Variants in PTPRO observed in about 807,000 individuals in gnomAD.
PTPRO encodes the protein protein tyrosine phosphatase receptor type O, also known as receptor-type tyrosine-protein phosphatase O.
Under a neutral mutation model 145.2 loss-of-function variants are expected in PTPRO, and 62 were observed. That is an observed-to-expected ratio of 0.43 (90% CI 0.35 to 0.53). The LOEUF (loss-of-function observed/expected upper bound fraction) is 0.53. PTPRO is among the 20% of genes least tolerant of loss of function. The probability of loss-of-function intolerance (pLI) is 0.01; values close to 1 mark genes in which losing one functional copy is unlikely to be tolerated. For missense variants in PTPRO, 1,345 were observed against 1,482.7 expected (o/e 0.91, Z 1.53); for synonymous variants, 565 against 514.7 (o/e 1.10, Z -1.32).
At chr12:15,490,750 T>C (rs1941984244) in intron 2 of PTPRO, among the ~76,000 whole-genome samples, 1 of 152,106 alleles carries the variant, frequency 6.6e-6, no homozygotes, top group Admixed American at 6.6e-5. Flanking sequence ...GAAGTATCAA[T>C]GGCATTAAAT....
intron 1 of PTPRO, among the ~76,000 whole-genome samples, chr12:15,397,450 CAG>C (rs1371636430): frequency 6.6e-6 from 1 of 152,094 alleles, no homozygotes; most frequent in African/African-American, 2.4e-5. Flanking sequence ...TTTGGACTGA[CAG>C]AGAGAATGAA....
At position 15,581,707 on chromosome 12, in the gene PTPRO, C is replaced by T. The variant is rs940403373; in HGVS notation, c.3161C>T (p.Thr1054Met). 12 of 1,613,938 alleles carry T rather than the reference C, an allele frequency of 7.4e-6. No individual in the cohort carries two copies. The highest frequency in any genetic ancestry group is 9.3e-6 in the Non-Finnish European group (11 of 1,179,886). The change falls in exon 23 of 27, where the codon ACG becomes ATG. Residue 1054 changes from threonine to methionine, a missense_variant. Transcript: ENST00000281171. ...AAATGTGACCATTACTGGCCATTCA[C>T]GGAAGAACCTATAGCCTATGGAGAC... ...RVKCDHYWPFTEEPIAYGDIT... is the reference protein window; with the variant it reads ...RVKCDHYWPFMEEPIAYGDIT...
At chr12:15,329,790 C>T (rs991362665) in intron 1 of PTPRO, among the ~76,000 whole-genome samples, 4 of 152,074 alleles carry the variant, frequency 2.6e-5, no homozygotes, top group Non-Finnish European at 4.4e-5. Flanking sequence ...TTTTGTTTTA[C>T]GGATGAAAAT....
intron 12 of PTPRO, 144 bp from the exon 13 acceptor site, chr12:15,546,425 C>T: frequency 1.4e-6 from 2 of 1,465,822 alleles, no homozygotes; most frequent in Non-Finnish European, 1.8e-6. Flanking sequence ...TATGAAAGGA[C>T]ATATTTCAAA....
chr12:15,427,080 C>T (rs1940305467), intron 1 of PTPRO, among the ~76,000 whole-genome samples: 1 of 152,046 alleles, frequency 6.6e-6, no homozygotes, highest in Non-Finnish European at 1.5e-5. Context: ...CATTTAACTC[C>T]CGGACAAGCT....
intron 4 of PTPRO, among the ~76,000 whole-genome samples, chr12:15,501,019 C>T (rs1314566591): frequency 2.6e-5 from 4 of 152,160 alleles, no homozygotes; most frequent in Non-Finnish European, 4.4e-5. Context: ...CTACGCAGTG[C>T]GTCTTCATAA....
intron 1 of PTPRO, among the ~76,000 whole-genome samples, chr12:15,412,432 T>C (rs1277489801): frequency 6.6e-6 from 1 of 152,250 alleles, no homozygotes; most frequent in Non-Finnish European, 1.5e-5. Context: ...TTACCAAACA[T>C]ATTTTTCCTG....
chr12:15,327,842 G>A (rs1328226204), intron 1 of PTPRO, among the ~76,000 whole-genome samples: 3 of 152,032 alleles, frequency 2.0e-5, no homozygotes, highest in Admixed American at 6.6e-5. Context: ...GCCAATAAGA[G>A]GTGGCTCACG....
chr12:15,401,997 T>C (rs908389157), intron 1 of PTPRO, among the ~76,000 whole-genome samples: 8 of 152,196 alleles, frequency 5.3e-5, no homozygotes, highest in Non-Finnish European at 1.0e-4. Context: ...GGTGCCCAGA[T>C]GGGGATTTGG....
At chr12:15,527,090 G>T (rs1311564581) in intron 12 of PTPRO, among the ~76,000 whole-genome samples, 1 of 152,078 alleles carries the variant, frequency 6.6e-6, no homozygotes, top group Non-Finnish European at 1.5e-5. Context: ...AAGCAAGCTG[G>T]CTTCACTCCC....
chr12:15,396,802 C>T (rs1193583857), intron 1 of PTPRO, among the ~76,000 whole-genome samples: 2 of 152,108 alleles, frequency 1.3e-5, no homozygotes, highest in East Asian at 3.9e-4. Context: ...TAGTCTTTCC[C>T]TTTGAGCATT....
chr12:15,391,017 C>A (rs1322443997), intron 1 of PTPRO, among the ~76,000 whole-genome samples: 1 of 152,164 alleles, frequency 6.6e-6, no homozygotes, highest in African/African-American at 2.4e-5. Context: ...TATCCAGTCT[C>A]TTCTTATGAG....
intron 1 of PTPRO, among the ~76,000 whole-genome samples, chr12:15,427,867 C>T (rs1338092042): frequency 6.6e-6 from 1 of 152,020 alleles, no homozygotes; most frequent in Non-Finnish European, 1.5e-5. Flanking sequence ...TCCTCTAAGA[C>T]TGATCAACTT....
intron 1 of PTPRO, among the ~76,000 whole-genome samples, chr12:15,393,991 C>T (rs1027647244): frequency 4.6e-5 from 7 of 152,026 alleles, no homozygotes; most frequent in Admixed American, 6.6e-5. Flanking sequence ...ATAACAGATC[C>T]GCTCTTGTGA....
intron 2 of PTPRO, among the ~76,000 whole-genome samples, chr12:15,495,240 G>A (rs1942076318): frequency 2.0e-5 from 3 of 151,502 alleles, no homozygotes; most frequent in Admixed American, 1.3e-4. Context: ...TAACTTTTTT[G>A]TAGATGCTGT....
At chr12:15,484,986 A>G (rs923099508) in intron 2 of PTPRO, among the ~76,000 whole-genome samples, 3 of 152,170 alleles carry the variant, frequency 2.0e-5, no homozygotes, top group Admixed American at 1.3e-4. Context: ...AGTAGAGTTT[A>G]TCACTAGCAC....
chr12:15,571,731 C>T (rs1241549467), intron 19 of PTPRO, among the ~76,000 whole-genome samples: 1 of 151,904 alleles, frequency 6.6e-6, no homozygotes, highest in African/African-American at 2.4e-5. Flanking sequence ...ATGGACGAGC[C>T]TGTGTCATGG....
Position 15,546,679 on chromosome 12 carries a change from G to T in PTPRO, c.2275G>T (p.Val759Phe), listed in dbSNP as rs1450017406. 1 of 1,613,852 alleles carries T rather than the reference G, an allele frequency of 6.2e-7. No homozygotes were observed. Among genetic ancestry groups the T allele is most frequent in the East Asian group, 2.2e-5 (1 of 44,848 alleles). The part of the protein sequence containing the change: ...ADFFEVFCQQ[V>F]GSSQKTKLQE... ...TTTCTTTGAAGTTTTCTGTCAACAA[G>T]TTGGCTCCAGTCAGAAAACCAAACT... Residue 759 changes from valine (V) to phenylalanine (F), a missense_variant, in exon 13 of 27, where the codon GTT becomes TTT. Transcript: ENST00000281171.
intron 19 of PTPRO, among the ~76,000 whole-genome samples, chr12:15,575,389 C>A (rs758466765): frequency 3.2e-4 from 48 of 152,146 alleles, no homozygotes; most frequent in Non-Finnish European, 5.1e-4. Context: ...TCTCCAAGGA[C>A]CCCCTCCCAC....
Sources: allele counts gnomAD v4.1 joint callset (sites outside exome capture counted in the v4.1 genomes callset), GRCh38; gene constraint gnomAD v4.1.1; transcripts MANE v1.5; gene names NCBI Gene and HGNC (gene_info 2026-07-23, HGNC 2026-07-21).